The following SRGAP1 variants were observed in gnomAD, a reference collection of about 807,000 sequenced individuals.
SRGAP1 encodes the protein SLIT-ROBO Rho GTPase activating protein 1, also known as SLIT-ROBO Rho GTPase-activating protein 1.
Under a neutral mutation model 121.9 loss-of-function variants are expected in SRGAP1, and 43 were observed. The ratio of observed to expected loss-of-function variants is 0.35; its 90% CI spans 0.28 to 0.46. The LOEUF (loss-of-function observed/expected upper bound fraction) is 0.46, where lower values mean the gene tolerates loss of function less well. Ranked by LOEUF, SRGAP1 falls within the 20% of genes least tolerant of loss-of-function variation. The probability of loss-of-function intolerance (pLI) is 1.00; values close to 1 mark genes in which losing one functional copy is unlikely to be tolerated. For missense variants in SRGAP1, 1,102 were observed against 1,350.9 expected (o/e 0.82, Z 2.89); for synonymous variants, 447 against 485.4 (o/e 0.92, Z 1.04).
At position 64,072,154 on chromosome 12, in the gene SRGAP1, C is replaced by CGGGG. The variant is rs11397582; in HGVS notation, c.1126-6759_1126-6756dup. On this transcript the variant is annotated intron_variant, in intron 8 of 21. Transcript: ENST00000355086. ...TGTGTGTGTGTGTGTGTGTGGGCGG[C>CGGGG]GGGGGGGGGCTCTTTCTGCTAATTT... Among the ~76,000 whole-genome samples, 19 of 88,276 alleles carry CGGGG rather than the reference C, an allele frequency of 2.2e-4. 1 individual carries two copies. The highest frequency in any genetic ancestry group is 8.4e-4 in the African/African-American group (18 of 21,502). 57.9% of individuals were successfully genotyped at this position (88,276 alleles called of 152,430 possible). A position where few individuals can be genotyped will look rare whatever the true frequency, so the allele number is the denominator to read the frequency against.
At chr12:63,929,133 G>A (rs1236359243) in intron 1 of SRGAP1, among the ~76,000 whole-genome samples, 1 of 152,128 alleles carries the variant, frequency 6.6e-6, no homozygotes, top group Non-Finnish European at 1.5e-5. Flanking sequence ...AACACTTAAG[G>A]TCTGTGTGTT....
intron 1 of SRGAP1, among the ~76,000 whole-genome samples, chr12:63,893,238 T>C (rs1211196293): frequency 6.6e-6 from 1 of 151,940 alleles, no homozygotes; most frequent in Non-Finnish European, 1.5e-5. Context: ...AATGGAGGAG[T>C]CTTTACTTTT....
At chr12:63,931,112 T>C (rs892399012) in intron 1 of SRGAP1, among the ~76,000 whole-genome samples, 1 of 152,222 alleles carries the variant, frequency 6.6e-6, no homozygotes, top group African/African-American at 2.4e-5. Context: ...TCTTCATCAA[T>C]AATGAAGTAA....
At chr12:64,016,380 G>A (rs1453722175) in intron 3 of SRGAP1, among the ~76,000 whole-genome samples, 3 of 152,220 alleles carry the variant, frequency 2.0e-5, no homozygotes, top group South Asian at 2.1e-4. Flanking sequence ...TCAGCTATTC[G>A]GGAGGCTGAG....
chr12:64,104,180 C>G (rs796732931), intron 15 of SRGAP1, among the ~76,000 whole-genome samples: 13 of 152,266 alleles, frequency 8.5e-5, no homozygotes, highest in African/African-American at 3.1e-4. Flanking sequence ...GCTGAAGTAA[C>G]TTGTGTTTTA....
At chr12:63,864,933 T>C (rs902304630) in intron 1 of SRGAP1, among the ~76,000 whole-genome samples, 1 of 151,972 alleles carries the variant, frequency 6.6e-6, no homozygotes, top group Non-Finnish European at 1.5e-5. Flanking sequence ...TATAAAAAAA[T>C]AAACTTGTTG....
Position 64,154,313 on chromosome 12 carries a change from C to T in SRGAP1, c.*11641C>T, listed in dbSNP as rs547588691. 1 of 152,040 alleles carries T rather than the reference C, an allele frequency of 6.6e-6. No homozygotes were observed. Among genetic ancestry groups the T allele is most frequent in the Non-Finnish European group, 1.5e-5 (1 of 68,016 alleles). The allele number at this position is 152,040 out of a possible 1,614,324, so 9.4% of individuals were successfully genotyped here. ...TTTTTAACCACAATTTTAAACATCA[C>T]TGTAGATGTTGTAGTTGTGTTTGGG... On this transcript the variant is annotated 3_prime_UTR_variant, in exon 22 of 22. Coordinates refer to ENST00000355086, the MANE Select transcript of SRGAP1 (RefSeq NM_020762.4).
chr12:63,886,718 G>A (rs746835331), intron 1 of SRGAP1, among the ~76,000 whole-genome samples: 61 of 151,814 alleles, frequency 4.0e-4, no homozygotes, highest in African/African-American at 1.2e-3. Flanking sequence ...GCCATCCTTC[G>A]CCTTGGCCTC....
chr12:64,014,959 G>A (rs2034360538), intron 3 of SRGAP1, among the ~76,000 whole-genome samples: 1 of 145,102 alleles, frequency 6.9e-6, no homozygotes, highest in South Asian at 2.3e-4. Flanking sequence ...TGGAATTACA[G>A]GTGTGTGCCA....
At chr12:64,137,961 AAT>A (rs1555177363) in intron 21 of SRGAP1, among the ~76,000 whole-genome samples, 20 of 139,666 alleles carry the variant, frequency 1.4e-4, no homozygotes, top group East Asian at 4.1e-4. Context: ...TTAAAAAAAA[AAT>A]ATATATATAT....
At chr12:64,122,344 GCA>G (rs1447730126) in intron 18 of SRGAP1, among the ~76,000 whole-genome samples, 2 of 152,188 alleles carry the variant, frequency 1.3e-5, no homozygotes, top group Non-Finnish European at 2.9e-5. Flanking sequence ...TATGAAAGAG[GCA>G]CAGTGTACCA....
intron 1 of SRGAP1, among the ~76,000 whole-genome samples, chr12:63,926,427 C>CAA (rs1229762819): frequency 1.3e-5 from 2 of 152,144 alleles, no homozygotes; most frequent in Non-Finnish European, 1.5e-5. Flanking sequence ...TGGCCATGGT[C>CAA]ACCCAAGTTG....
At chr12:64,141,301 GC>G (rs1281040499) in intron 21 of SRGAP1, among the ~76,000 whole-genome samples, 1 of 143,152 alleles carries the variant, frequency 7.0e-6, no homozygotes, top group Non-Finnish European at 1.5e-5. Context: ...GAAAAACTTG[GC>G]CCGGCACGGT....
At chr12:64,124,388 G>A (rs1260866756) in intron 18 of SRGAP1, among the ~76,000 whole-genome samples, 1 of 152,196 alleles carries the variant, frequency 6.6e-6, no homozygotes, top group African/African-American at 2.4e-5. Context: ...TTTTGAGATA[G>A]GCAGGTTTTA....
chr12:64,029,056 A>G (rs1183778093), intron 4 of SRGAP1, among the ~76,000 whole-genome samples: 1 of 152,196 alleles, frequency 6.6e-6, no homozygotes, highest in Non-Finnish European at 1.5e-5. Context: ...AGGCAAAACT[A>G]GTATTTGAAC....
intron 21 of SRGAP1, among the ~76,000 whole-genome samples, chr12:64,141,909 T>A (rs933050187): frequency 1.3e-5 from 2 of 152,150 alleles, no homozygotes; most frequent in African/African-American, 4.8e-5. Context: ...GAGGATCATA[T>A]GAGGCCAGGA....
chr12:64,068,336 GAA>G (rs903038590), intron 8 of SRGAP1, among the ~76,000 whole-genome samples: 1 of 147,548 alleles, frequency 6.8e-6, no homozygotes, highest in Non-Finnish European at 1.5e-5. Flanking sequence ...TCTGGCCCAT[GAA>G]AAAAAAATTT....
chr12:63,986,298 A>G (rs1487780599), intron 2 of SRGAP1, among the ~76,000 whole-genome samples: 2 of 152,132 alleles, frequency 1.3e-5, no homozygotes, highest in African/African-American at 4.8e-5. Flanking sequence ...AACAAATGTT[A>G]TATGTATTTA....
intron 18 of SRGAP1, among the ~76,000 whole-genome samples, chr12:64,124,769 C>CT (rs552087218): frequency 1.3e-5 from 2 of 151,332 alleles, no homozygotes; most frequent in South Asian, 2.1e-4. Flanking sequence ...CAGTTGATAT[C>CT]TTTTTTTTTC....
Sources: allele counts gnomAD v4.1 joint callset (sites outside exome capture counted in the v4.1 genomes callset), GRCh38; gene constraint gnomAD v4.1.1; transcripts MANE v1.5; gene names NCBI Gene and HGNC (gene_info 2026-07-23, HGNC 2026-07-21).